Variants in ZEB2 observed in about 807,000 individuals in gnomAD.
ZEB2 encodes the protein zinc finger E-box-binding homeobox 2.
Under a neutral mutation model 99.9 loss-of-function variants are expected in ZEB2, and 6 were observed. That is an observed-to-expected ratio of 0.06 (90% CI 0.03 to 0.12). The LOEUF (loss-of-function observed/expected upper bound fraction) is 0.12. Among genes scored for constraint, ZEB2 ranks in the 10% least tolerant of loss-of-function variants. The probability of loss-of-function intolerance (pLI) is 1.00; values close to 1 mark genes in which losing one functional copy is unlikely to be tolerated. For missense variants in ZEB2, 969 were observed against 1,502.8 expected (o/e 0.64, Z 5.87); for synonymous variants, 517 against 542.5 (o/e 0.95, Z 0.65).
chr2:144,458,214 G>A (rs4662222), intron 2 of ZEB2, among the ~76,000 whole-genome samples: 151,360 of 152,292 alleles, frequency 0.99, 75,221 homozygotes, highest in East Asian at 1. Context: ...ATTTTTATTT[G>A]CTGAAGTAAA....
At chr2:144,483,101 G>A (rs534152842) in intron 2 of ZEB2, among the ~76,000 whole-genome samples, 1 of 146,156 alleles carries the variant, frequency 6.8e-6, no homozygotes, top group Non-Finnish European at 1.5e-5. Context: ...GAGAGAAAAA[G>A]TCAGTGTTTA....
chr2:144,432,864 C>A (rs569522539), intron 2 of ZEB2, among the ~76,000 whole-genome samples: 2 of 152,226 alleles, frequency 1.3e-5, no homozygotes, highest in Middle Eastern at 6.8e-3. Context: ...TAATAACCAA[C>A]GTATACTGGT....
chr2:144,502,413 C>A (rs978183260), intron 2 of ZEB2, among the ~76,000 whole-genome samples: 7 of 152,106 alleles, frequency 4.6e-5, no homozygotes, highest in Non-Finnish European at 8.8e-5. Context: ...CTCCTGCTGG[C>A]AGATGCCATC....
intron 2 of ZEB2, chr2:144,495,754 A>G (rs539435230): frequency 6.6e-6 from 1 of 152,410 alleles, no homozygotes; most frequent in East Asian, 1.9e-4. Context: ...CCAGCAGTCC[A>G]GTTACACTGC....
intron 4 of ZEB2, among the ~76,000 whole-genome samples, chr2:144,415,438 C>T (rs2149884755): frequency 6.6e-6 from 1 of 152,250 alleles, no homozygotes; most frequent in African/African-American, 2.4e-5. Context: ...TTTTGCTTTC[C>T]CATTTCACAT....
intron 4 of ZEB2, among the ~76,000 whole-genome samples, chr2:144,419,602 A>G (rs1027264226): frequency 1.3e-5 from 2 of 152,226 alleles, no homozygotes; most frequent in African/African-American, 4.8e-5. Flanking sequence ...ACTCATGTGT[A>G]TAATGCTTCC....
rs1484278540 is a variant in ZEB2, at chr2:144,406,544, T to C, written c.404-1520A>G. Among the ~76,000 whole-genome samples, 5 of 151,752 alleles carry C rather than the reference T, an allele frequency of 3.3e-5. No individual in the cohort carries two copies. The East Asian group carries it at 9.6e-4, about 29-fold the overall frequency. On this transcript the variant is annotated intron_variant, in intron 4 of 9. Coordinates refer to ENST00000627532, the MANE Select transcript of ZEB2 (RefSeq NM_014795.4). ...GAGAAGAGCAGCATGTGCAATGTGG[T>C]GACTGAAACAAGCATGGGACATCTC...
chr2:144,412,259 A>C (rs1204074585), intron 4 of ZEB2, among the ~76,000 whole-genome samples: 1 of 152,226 alleles, frequency 6.6e-6, no homozygotes, highest in Non-Finnish European at 1.5e-5. Context: ...ACAAGAGTGA[A>C]ACTCCATCTC....
intron 9 of ZEB2, among the ~76,000 whole-genome samples, chr2:144,390,293 T>C (rs1454856084): frequency 3.3e-5 from 5 of 152,224 alleles, no homozygotes; most frequent in African/African-American, 1.2e-4. Flanking sequence ...CAGGAAGCTT[T>C]CCATTGCTAA....
At chr2:144,515,999 G>A (rs1705130693) in intron 2 of ZEB2, 2 of 152,184 alleles carry the variant, frequency 1.3e-5, no homozygotes, top group Non-Finnish European at 2.9e-5. Context: ...GGCGGTCCCC[G>A]CGAGGCGCGG....
chr2:144,443,040 T>C (rs780367083), intron 2 of ZEB2, among the ~76,000 whole-genome samples: 3 of 152,152 alleles, frequency 2.0e-5, no homozygotes, highest in African/African-American at 4.8e-5. Context: ...CTTATCAATG[T>C]AGATATTTTT....
intron 8 of ZEB2, 27 bp from the exon 9 acceptor site, chr2:144,396,619 C>G: frequency 6.2e-7 from 1 of 1,608,556 alleles, no homozygotes; most frequent in Non-Finnish European, 8.5e-7. Flanking sequence ...CAGTTCAATA[C>G]AGTGGCTTCT....
intron 2 of ZEB2, among the ~76,000 whole-genome samples, chr2:144,435,641 T>C (rs1040410622): frequency 4.0e-5 from 6 of 151,700 alleles, no homozygotes; most frequent in African/African-American, 1.5e-4. Context: ...ATTTTATGAA[T>C]CATTTGGTTT....
intron 2 of ZEB2, among the ~76,000 whole-genome samples, chr2:144,459,254 T>A (rs1350067144): frequency 6.6e-6 from 1 of 152,156 alleles, no homozygotes; most frequent in African/African-American, 2.4e-5. Context: ...TGTGTATATC[T>A]TTTGATATAC....
intron 2 of ZEB2, chr2:144,516,226 C>CT (rs915452542): frequency 6.8e-6 from 1 of 147,358 alleles, no homozygotes; most frequent in African/African-American, 2.5e-5. Flanking sequence ...TCCCCCACCC[C>CT]CCCCCGGCAC....
intron 3 of ZEB2, 126 bp from the exon 4 acceptor site, chr2:144,424,993 T>C: frequency 1.1e-6 from 1 of 937,776 alleles, no homozygotes; most frequent in Non-Finnish European, 1.7e-6. Flanking sequence ...TGTAGACCTC[T>C]AAACAATAGC....
At chr2:144,459,523 G>A (rs1196452014) in intron 2 of ZEB2, among the ~76,000 whole-genome samples, 4 of 152,100 alleles carry the variant, frequency 2.6e-5, no homozygotes, top group Admixed American at 2.0e-4. Context: ...AACACTGCCC[G>A]TGTAAATTTA....
intron 2 of ZEB2, chr2:144,444,758 AC>A (rs775830351): frequency 5.3e-5 from 8 of 152,208 alleles, no homozygotes; most frequent in Non-Finnish European, 1.2e-4. Flanking sequence ...GAAAATGAGC[AC>A]CCTGACAAGG....
chr2:144,422,841 AAAT>A (rs1703638432), intron 4 of ZEB2, among the ~76,000 whole-genome samples: 1 of 152,120 alleles, frequency 6.6e-6, no homozygotes, highest in Non-Finnish European at 1.5e-5. Flanking sequence ...ACAAAAAACT[AAAT>A]AATTATGGCT....
Sources: gnomAD v4.1 joint callset for allele counts (sites outside exome capture counted in the v4.1 genomes callset) on GRCh38, gnomAD v4.1.1 for gene constraint, MANE v1.5 for transcripts, NCBI Gene and HGNC (gene_info 2026-07-23, HGNC 2026-07-21) for gene names.